CENPE: variants seen among roughly 807,000 people sequenced by gnomAD.
The protein encoded by CENPE is centromere protein E.
A neutral mutation model predicts 336.1 loss-of-function variants in CENPE; 145 were observed. That is an observed-to-expected ratio of 0.43 (90% confidence interval 0.38 to 0.50). CENPE has a LOEUF of 0.50. Among genes scored for constraint, CENPE ranks in the 20% least tolerant of loss-of-function variants. The pLI is 0.00. For missense variants in CENPE, 2,719 were observed against 3,023.3 expected (o/e 0.90, Z 2.36); for synonymous variants, 1,013 against 984.8 (o/e 1.03, Z -0.54).
At position 103,149,165 on chromosome 4, in the gene CENPE, T is replaced by A. The variant is rs757102289; in HGVS notation, c.3640A>T (p.Thr1214Ser). 6.2e-7 allele frequency: 1 copy of A among 1,608,946 alleles called. No homozygotes were observed. The highest frequency in any genetic ancestry group is 8.5e-7 in the Non-Finnish European group (1 of 1,179,244). The change falls in exon 27 of 49, where the codon ACA (threonine) becomes TCA (serine). Residue 1214 changes from threonine to serine, a missense_variant. Thr to Ser is a moderately conservative substitution (Grantham distance 58). Around this residue, in one of 5 missense-constraint regions of CENPE, gnomAD observed 2,437 missense variants for 2,513.3 expected, o/e 0.97. Transcript: ENST00000265148. ...TATCCTCTAAGGTGGTCTCTCTCTG[T>A]TTCAAATGACTTCTGTAATTCCTTT... Reference protein sequence around the residue: ...VLKELQKSFETERDHLRGYIR... With the variant: ...VLKELQKSFESERDHLRGYIR...
chr4:103,140,459 C>T (rs371800414), intron 36 of CENPE, 45 bp from the exon 37 acceptor site: 39 of 1,277,254 alleles, frequency 3.1e-5, no homozygotes, highest in Non-Finnish European at 3.6e-5. Flanking sequence ...TATAAAGGCA[C>T]GTTACCTTTA....
chr4:103,188,165 A>G, intron 8 of CENPE, among the ~76,000 whole-genome samples: 1 of 152,168 alleles, frequency 6.6e-6, no homozygotes, highest in Non-Finnish European at 1.5e-5. Flanking sequence ...GAGACCTACA[A>G]AGAGACTTAG....
intron 16 of CENPE, among the ~76,000 whole-genome samples, chr4:103,174,433 C>A (rs1445392916): frequency 1.3e-5 from 2 of 151,916 alleles, no homozygotes; most frequent in Admixed American, 6.6e-5. Context: ...CTCTATTGTA[C>A]AGCAAGGTGA....
intron 1 of CENPE, among the ~76,000 whole-genome samples, chr4:103,197,243 G>A (rs1319864325): frequency 1.3e-5 from 2 of 152,136 alleles, no homozygotes; most frequent in Non-Finnish European, 2.9e-5. Context: ...TACATCCTAA[G>A]CTCTACCTGA....
At chr4:103,123,766 G>A (rs1248946436) in intron 42 of CENPE, among the ~76,000 whole-genome samples, 1 of 152,180 alleles carries the variant, frequency 6.6e-6, no homozygotes, top group African/African-American at 2.4e-5. Flanking sequence ...CAAGCATTGA[G>A]CATCTAGGAA....
chr4:103,170,881 G>T (rs1251485633), intron 16 of CENPE, among the ~76,000 whole-genome samples: 3 of 152,276 alleles, frequency 2.0e-5, no homozygotes, highest in Admixed American at 6.5e-5. Flanking sequence ...GAGAGCAGGA[G>T]AAGCTATACT....
rs770910140 is a variant in CENPE at position 103,139,926 on chromosome 4, A to G, written c.6067T>C (p.Leu2023=). The change falls in exon 38 of 49, where the codon TTG becomes CTG. Residue 2023 remains leucine (L), a synonymous_variant. Coordinates refer to ENST00000265148, the MANE Select transcript of CENPE (RefSeq NM_001813.3). Reference sequence around the variant, plus strand: ...AGGCTTTCATGAAGTTTCTTAGTCAACTGGAAGTTATCCATTCTCACACTT... The same window carrying G: ...AGGCTTTCATGAAGTTTCTTAGTCAGCTGGAAGTTATCCATTCTCACACTT... The part of the protein sequence containing the change: ...MQSVRMDNFQ[L]TKKLHESLEE... The G allele has an allele frequency of 6.2e-7, 1 of 1,613,400 alleles. No individual in the cohort carries two copies. Among genetic ancestry groups the G allele is most frequent in the South Asian group, 1.1e-5 (1 of 91,074 alleles).
At chr4:103,181,260 G>C (rs1252418461) in intron 12 of CENPE, 77 bp downstream of exon 12, 4 of 1,002,700 alleles carry the variant, frequency 4.0e-6, no homozygotes, top group Admixed American at 3.3e-5. Context: ...CAGGAATGAA[G>C]AGTCTCTGAG....
Position 103,149,232 on chromosome 4 carries a change from A to T in CENPE, c.3573T>A (p.Asn1191Lys). 6.2e-7 allele frequency: 1 copy of T among 1,612,524 alleles called. No individual in the cohort carries two copies. Among genetic ancestry groups the T allele is most frequent in the Non-Finnish European group, 8.5e-7 (1 of 1,179,682 alleles). The change falls in exon 27 of 49, where the codon AAT becomes AAA. Residue 1191 changes from asparagine (N) to lysine (K), a missense_variant. Asn to Lys is a moderately conservative substitution (Grantham distance 94). Coordinates refer to ENST00000265148, the MANE Select transcript of CENPE (RefSeq NM_001813.3). ...RLELAQKLNE[N>K]YEEVKSITKE... ...TGGTTATAGATTTCACTTCCTCATA[A>T]TTTTCATTAAGTTTCTGAGCCAACT...
At chr4:103,139,220 C>G (rs1020163351) in intron 38 of CENPE, among the ~76,000 whole-genome samples, 1 of 152,050 alleles carries the variant, frequency 6.6e-6, no homozygotes, top group Non-Finnish European at 1.5e-5. Context: ...TTCAGGCCCA[C>G]ATAAAGAAAT....
At chr4:103,125,779 C>A (rs747535687) in intron 42 of CENPE, among the ~76,000 whole-genome samples, 1 of 149,358 alleles carries the variant, frequency 6.7e-6, no homozygotes, top group African/African-American at 2.5e-5. Context: ...GCAAGAGAAT[C>A]GCTTGAACCC....
chr4:103,185,957 A>G, intron 8 of CENPE, 96 bp from the exon 9 acceptor site: 1 of 771,254 alleles, frequency 1.3e-6, no homozygotes. Context: ...GGTATATCTG[A>G]ATATTCGATC....
chr4:103,108,767 C>A, intron 48 of CENPE, 36 bp downstream of exon 48: 1 of 1,577,104 alleles, frequency 6.3e-7, no homozygotes, highest in Non-Finnish European at 8.6e-7. Context: ...CCAACTGTTA[C>A]CCTCTGATTT....
At chr4:103,148,743 A>C in intron 28 of CENPE, 101 bp downstream of exon 28, 1 of 1,072,128 alleles carries the variant, frequency 9.3e-7, no homozygotes, top group East Asian at 2.4e-5. Flanking sequence ...TTACCCAGTC[A>C]ATTAATGAAC....
In CENPE at chr4:103,144,541, T is replaced by C. The variant is rs753669839; in HGVS notation, c.4935A>G (p.Glu1645=). Residue 1645 remains glutamate, a synonymous_variant, in exon 33 of 49, where the codon GAA becomes GAG. Coordinates refer to ENST00000265148, the MANE Select transcript of CENPE (RefSeq NM_001813.3). ...CAAATTGCTCCTTCAAGTGTTCTAT[T>C]TCACACATTTTCTCCTGAGTCTCAT... is the stretch of plus-strand genomic sequence containing the variant. ...AVNETQEKMC[E]IEHLKEQFET... 1 of 1,613,344 alleles carries C rather than the reference T, an allele frequency of 6.2e-7. No homozygotes were observed. Among genetic ancestry groups the C allele is most frequent in the Non-Finnish European group, 8.5e-7 (1 of 1,179,520 alleles).
At chr4:103,138,484 G>A (rs751074971) in intron 38 of CENPE, 35 bp from the exon 39 acceptor site, 2 of 1,370,470 alleles carry the variant, frequency 1.5e-6, no homozygotes. Flanking sequence ...CAGGGCTTTT[G>A]TCATGACTAT....
intron 46 of CENPE, among the ~76,000 whole-genome samples, chr4:103,112,347 A>G (rs1358049989): frequency 1.4e-5 from 2 of 147,394 alleles, no homozygotes; most frequent in East Asian, 3.9e-4. Flanking sequence ...ACTTATATAT[A>G]AGTATATATA....
rs983091636 is a variant in CENPE at position 103,106,134 on chromosome 4, T to C, written c.*88A>G. ...AGACTGAATTGAAATTAAGCTGCAC[T>C]ACAACATCATTACCAGGGATAGACA... On this transcript the variant is annotated 3_prime_UTR_variant, in exon 49 of 49. Coordinates refer to ENST00000265148, the MANE Select transcript of CENPE (RefSeq NM_001813.3). The C allele has an allele frequency of 5.0e-6, 4 of 799,640 alleles. No homozygotes were observed. The highest frequency in any genetic ancestry group is 7.4e-6 in the Non-Finnish European group (4 of 537,504). 49.5% of individuals were successfully genotyped at this position (799,640 alleles called of 1,614,324 possible).
At chr4:103,122,724 G>A (rs1750747684) in intron 43 of CENPE, 147 bp downstream of exon 43, 2 of 613,426 alleles carry the variant, frequency 3.3e-6, no homozygotes, top group Non-Finnish European at 5.8e-6. Context: ...TTGAACGATA[G>A]CCATAGTAGA....
Sources: allele counts gnomAD v4.1 joint callset (sites outside exome capture counted in the v4.1 genomes callset), GRCh38; gene constraint gnomAD v4.1.1; regional missense constraint gnomAD v4.1.1; transcripts MANE v1.5; gene names NCBI Gene and HGNC (gene_info 2026-07-23, HGNC 2026-07-21).